The following RBFOX1 variants were observed in gnomAD, a reference collection of about 807,000 sequenced individuals.
RBFOX1 encodes the protein RNA binding protein fox-1 homolog 1.
RBFOX1 carries 8 observed loss-of-function variants against 57.7 expected under a neutral mutation model. The observed-to-expected ratio is 0.14, with a 90% confidence interval of 0.08 to 0.25. RBFOX1 has a LOEUF of 0.25. Among genes scored for constraint, RBFOX1 ranks in the 10% least tolerant of loss-of-function variants. RBFOX1 has a pLI of 1.00. For missense variants in RBFOX1, 611 were observed against 548.5 expected (o/e 1.11, Z -1.14); for synonymous variants, 326 against 222.4 (o/e 1.47, Z -4.15).
At chr16:6,173,818 C>T (rs761715895) in intron 1 of RBFOX1, among the ~76,000 whole-genome samples, 53 of 151,922 alleles carry the variant, frequency 3.5e-4, no homozygotes, top group Non-Finnish European at 6.2e-4. Flanking sequence ...CCATGTTGGC[C>T]AGGCTGGTCT....
At chr16:7,005,949 A>G (rs571975043) in intron 3 of RBFOX1, among the ~76,000 whole-genome samples, 1 of 152,256 alleles carries the variant, frequency 6.6e-6, no homozygotes, top group Non-Finnish European at 1.5e-5. Context: ...GAAAAGCCCC[A>G]ATTCTTTAAC....
chr16:7,295,917 T>C (rs1448413480), intron 4 of RBFOX1, among the ~76,000 whole-genome samples: 2 of 152,166 alleles, frequency 1.3e-5, no homozygotes, highest in African/African-American at 2.4e-5. Context: ...AACTCAGAAA[T>C]GAGAAGGGTG....
At chr16:5,582,523 C>T (rs1283261184) in intron 2 of RBFOX1, among the ~76,000 whole-genome samples, 2 of 150,512 alleles carry the variant, frequency 1.3e-5, no homozygotes, top group African/African-American at 4.9e-5. Context: ...GGGACTTGAA[C>T]CCAGGCATTT....
At chr16:6,498,271 G>T (rs1055415921) in intron 2 of RBFOX1, among the ~76,000 whole-genome samples, 5 of 145,764 alleles carry the variant, frequency 3.4e-5, no homozygotes, top group African/African-American at 1.2e-4. Context: ...AAAAAAAAAA[G>T]GATGACAATT....
At chr16:7,436,023 A>T (rs1197827013) in intron 4 of RBFOX1, among the ~76,000 whole-genome samples, 2 of 151,914 alleles carry the variant, frequency 1.3e-5, no homozygotes, top group East Asian at 3.9e-4. Flanking sequence ...ATTTTTAGGG[A>T]GGGTGGGGCA....
chr16:6,137,531 C>G (rs1281366764), intron 1 of RBFOX1, among the ~76,000 whole-genome samples: 1 of 151,686 alleles, frequency 6.6e-6, no homozygotes, highest in East Asian at 1.9e-4. Flanking sequence ...GTCTCGAGCT[C>G]CTGACCTCAG....
intron 2 of RBFOX1, among the ~76,000 whole-genome samples, chr16:6,557,196 G>T (rs1567673377): frequency 6.8e-6 from 1 of 148,076 alleles, no homozygotes; most frequent in South Asian, 2.1e-4. Flanking sequence ...TAATAAAAAA[G>T]TGGGAAAGAA....
At chr16:6,064,937 TGAG>T (rs2095740262) in intron 1 of RBFOX1, among the ~76,000 whole-genome samples, 2 of 152,058 alleles carry the variant, frequency 1.3e-5, no homozygotes, top group South Asian at 4.2e-4. Flanking sequence ...CAACAGGTCT[TGAG>T]TAAGACCCAG....
At chr16:6,160,583 C>T (rs74005002) in intron 1 of RBFOX1, among the ~76,000 whole-genome samples, 3 of 152,148 alleles carry the variant, frequency 2.0e-5, no homozygotes, top group African/African-American at 7.2e-5. Flanking sequence ...CCATCCAGCC[C>T]GAGTCATGCT....
chr16:7,266,218 G>A (rs547277876), intron 4 of RBFOX1, among the ~76,000 whole-genome samples: 2 of 132,100 alleles, frequency 1.5e-5, no homozygotes, highest in East Asian at 4.6e-4. Context: ...CTCGTGACCC[G>A]GCCGCCTCGG....
intron 4 of RBFOX1, among the ~76,000 whole-genome samples, chr16:7,213,658 C>G (rs545815220): frequency 1.3e-4 from 20 of 152,228 alleles, no homozygotes; most frequent in African/African-American, 4.8e-4. Context: ...TGAGCTATCT[C>G]ATTTAATAAT....
At chr16:7,180,491 A>G (rs772314730) in intron 4 of RBFOX1, among the ~76,000 whole-genome samples, 1 of 152,118 alleles carries the variant, frequency 6.6e-6, no homozygotes, top group African/African-American at 2.4e-5. Context: ...ACGTTTATGC[A>G]CTAGTATTCA....
intron 2 of RBFOX1, among the ~76,000 whole-genome samples, chr16:6,507,363 T>C (rs1598462471): frequency 1.3e-5 from 2 of 152,224 alleles, no homozygotes; most frequent in East Asian, 3.9e-4. Flanking sequence ...CATGGAATAT[T>C]ATTCAACCTT....
intron 2 of RBFOX1, among the ~76,000 whole-genome samples, chr16:5,530,499 G>A (rs1447454017): frequency 6.6e-6 from 1 of 152,198 alleles, no homozygotes; most frequent in Non-Finnish European, 1.5e-5. Context: ...AAGTCTTCAA[G>A]CTAAACTGTA....
rs376800137 is a variant in RBFOX1 at position 6,336,657 on chromosome 16, C to G, written c.-64+19600C>G. 1.2e-4 allele frequency among the ~76,000 whole-genome samples: 19 copies of G among 152,232 alleles called. No homozygotes were observed. The East Asian group carries it at 1.7e-3, about 14-fold the overall frequency. On this transcript the variant is annotated intron_variant, in intron 2 of 15. Coordinates refer to ENST00000550418, the MANE Select transcript of RBFOX1 (RefSeq NM_018723.4). ...TTGTCAACTTCCTTGGCCTCTGTCTCCTCATCTCTGAAAGCCATAAGATTC... is the reference window on the plus strand; with the variant it reads ...TTGTCAACTTCCTTGGCCTCTGTCTGCTCATCTCTGAAAGCCATAAGATTC...
chr16:5,607,987 G>A (rs1477111147), intron 3 of RBFOX1, among the ~76,000 whole-genome samples: 1 of 152,200 alleles, frequency 6.6e-6, no homozygotes, highest in African/African-American at 2.4e-5. Context: ...TGCACCTGTT[G>A]TTTGGTGGAC....
At chr16:6,405,560 C>T (rs1321681542) in intron 2 of RBFOX1, among the ~76,000 whole-genome samples, 1 of 152,154 alleles carries the variant, frequency 6.6e-6, no homozygotes, top group Non-Finnish European at 1.5e-5. Flanking sequence ...AGTGAAACTC[C>T]TTGGTCAGAA....
In RBFOX1 at chr16:6,498,235, G is replaced by C. The variant is rs115698347; in HGVS notation, c.-63-156368G>C. Among the ~76,000 whole-genome samples the C allele has an allele frequency of 6.1e-3, 839 of 138,318 alleles. 6 individuals are homozygous for C. Among genetic ancestry groups the C allele is most frequent in the East Asian group, 0.029 (130 of 4,456 alleles). 90.7% of individuals were successfully genotyped at this position (138,318 alleles called of 152,430 possible). ...CCACTGCGCTCAAGCCTGGGTGACA[G>C]AGAGGAACTCCGTCTCAAAACAAAA... On this transcript the variant is annotated intron_variant, in intron 2 of 15. Transcript: ENST00000550418.
At chr16:7,229,517 A>T (rs77329983) in intron 4 of RBFOX1, among the ~76,000 whole-genome samples, 2,060 of 148,424 alleles carry the variant, frequency 0.014, 49 homozygotes, top group African/African-American at 0.049. Flanking sequence ...AAGGGAAAGG[A>T]AAGGAGAGGA....
Sources: allele counts gnomAD v4.1 joint callset (sites outside exome capture counted in the v4.1 genomes callset), GRCh38; gene constraint gnomAD v4.1.1; transcripts MANE v1.5; gene names NCBI Gene and HGNC (gene_info 2026-07-23, HGNC 2026-07-21).